The following FMO5 variants were observed in gnomAD, a reference collection of about 807,000 sequenced individuals.
FMO5 encodes flavin containing dimethylaniline monoxygenase 5, also known as flavin-containing monooxygenase 5.
A neutral mutation model predicts 43.6 loss-of-function variants in FMO5; 51 were observed. The ratio of observed to expected loss-of-function variants is 1.17; its 90% CI spans 0.93 to 1.48. The LOEUF (loss-of-function observed/expected upper bound fraction) is 1.48, where lower values mean the gene tolerates loss of function less well. Among genes scored for constraint, FMO5 ranks in the 40% most tolerant of loss-of-function variants. The probability of loss-of-function intolerance (pLI) is 0.00; values close to 1 mark genes in which losing one functional copy is unlikely to be tolerated. For synonymous variants in FMO5, 187 were observed against 216.5 expected (o/e 0.86, Z 1.20); for missense variants, 644 against 643.0 (o/e 1.00, Z -0.02).
At chr1:147,194,187 G>T (rs1465209176) in intron 7 of FMO5, among the ~76,000 whole-genome samples, 13 of 152,214 alleles carry the variant, frequency 8.5e-5, no homozygotes, top group Non-Finnish European at 1.3e-4. Context: ...GAATCTGGGT[G>T]CTCCTGCATT....
At chr1:147,200,069 G>T (rs1159653035) in intron 7 of FMO5, among the ~76,000 whole-genome samples, 1 of 152,128 alleles carries the variant, frequency 6.6e-6, no homozygotes, top group Admixed American at 6.5e-5. Context: ...CCCCGGCCCA[G>T]TGAGCATTCA....
downstream of FMO5, among the ~76,000 whole-genome samples, chr1:147,185,455 G>A (rs1383635862): frequency 6.6e-6 from 1 of 152,112 alleles, no homozygotes; most frequent in Non-Finnish European, 1.5e-5. Flanking sequence ...GTATCACAAG[G>A]ATTAGGGAAA....
At chr1:147,209,191 G>A (rs1364101559) in intron 5 of FMO5, 140 bp from the exon 6 acceptor site, 4 of 578,944 alleles carry the variant, frequency 6.9e-6, no homozygotes, top group South Asian at 5.9e-5. Flanking sequence ...AGGCCAAGGC[G>A]GGCGGATCAC....
Position 147,201,418 on chromosome 1 carries a change from T to A in FMO5, c.917A>T (p.Glu306Val). The A allele has an allele frequency of 1.2e-6, 2 of 1,614,160 alleles. No individual in the cohort carries two copies. Among genetic ancestry groups the A allele is most frequent in the Non-Finnish European group, 1.7e-6 (2 of 1,180,010 alleles). ...GLVKVKGNVK[E>V]FTETAAIFED... is the part of the protein sequence containing the mutation. ...AAATATGGCAGCTGTCTCCGTGAATTCCTTCACATTTCCTTTCACTTTCAC... is the reference window on the plus strand; with the variant it reads ...AAATATGGCAGCTGTCTCCGTGAATACCTTCACATTTCCTTTCACTTTCAC... The change falls in exon 7 of 9, where the codon GAA becomes GTA. Residue 306 changes from glutamate (E) to valine (V), a missense_variant. Coordinates refer to ENST00000254090, the MANE Select transcript of FMO5 (RefSeq NM_001461.4).
Position 147,215,887 on chromosome 1 carries a change from G to A in FMO5, c.191C>T (p.Ser64Phe). 3 of 1,612,984 alleles carry A rather than the reference G, an allele frequency of 1.9e-6. No individual in the cohort carries two copies. Among genetic ancestry groups the A allele is most frequent in the Non-Finnish European group, 2.5e-6 (3 of 1,179,210 alleles). ...GTCACTGAAGCACATCATCTCTTTA[G>A]AAGTATTGATGATCACTGATTTGTA... ...SIYKSVIINT[S>F]KEMMCFSDYP... The change falls in exon 3 of 9, where the codon TCT (serine) becomes TTT (phenylalanine). Residue 64 changes from serine (S) to phenylalanine (F), a missense_variant. By Grantham distance (155) the Ser-to-Phe change is radical (BLOSUM62 -2). Coordinates refer to ENST00000254090, the MANE Select transcript of FMO5 (RefSeq NM_001461.4).
At chr1:147,203,917 AGGAG>A in intron 6 of FMO5, 1 of 1,528,600 alleles carries the variant, frequency 6.5e-7, no homozygotes, top group South Asian at 1.1e-5. Flanking sequence ...CTTCAAGGAC[AGGAG>A]GTGTCAATCT....
intron 7 of FMO5, among the ~76,000 whole-genome samples, chr1:147,193,920 C>A (rs1172775283): frequency 3.9e-5 from 6 of 152,066 alleles, no homozygotes; most frequent in African/African-American, 1.5e-4. Context: ...GAGTGCTTTA[C>A]TTCCAACTAT....
intron 5 of FMO5, chr1:147,210,080 C>G (rs1178874721): frequency 1.3e-5 from 2 of 152,156 alleles, no homozygotes; most frequent in African/African-American, 4.8e-5. Flanking sequence ...ATTACAACAA[C>G]CTCTTGAGGA....
intron 6 of FMO5, among the ~76,000 whole-genome samples, chr1:147,201,830 A>G (rs1440210663): frequency 2.6e-5 from 4 of 152,218 alleles, no homozygotes; most frequent in African/African-American, 9.6e-5. Flanking sequence ...TTGTATTCTC[A>G]TACCAAGAAG....
At chr1:147,208,795 G>A in intron 6 of FMO5, 57 bp downstream of exon 6, 2 of 1,426,096 alleles carry the variant, frequency 1.4e-6, no homozygotes, top group Middle Eastern at 1.8e-4. Context: ...CCAGTGTGAA[G>A]AGTCCTTATT....
In FMO5 at chr1:147,209,037, G is replaced by A. The variant is rs782165560; in HGVS notation, c.645C>T (p.Thr215=). ...SQTAKQVFLS[T]RRGAWILNRV... is the part of the protein sequence containing the mutation. ...GATTCAGGATCCAAGCCCCTCTCCT[G>A]GTGCTGAGGAAAACCTGGGGCATGG... Residue 215 remains threonine, a synonymous_variant, in exon 6 of 9, where the codon ACC becomes ACT. Transcript: ENST00000254090. 5 of 1,613,726 alleles carry A rather than the reference G, an allele frequency of 3.1e-6. No homozygotes were observed. The highest frequency in any genetic ancestry group is 4.2e-6 in the Non-Finnish European group (5 of 1,179,802).
chr1:147,189,065 G>C (rs587692936), intron 8 of FMO5, among the ~76,000 whole-genome samples: 1 of 151,918 alleles, frequency 6.6e-6, no homozygotes, highest in South Asian at 2.1e-4. Flanking sequence ...CACAAGGTCA[G>C]GAGTTTGAGA....
rs1553920319 is a variant in FMO5, at chr1:147,198,872, A to AAAAAAG, written c.1183+2279_1183+2280insCTTTTT. On this transcript the variant is annotated intron_variant, in intron 7 of 8. Transcript: ENST00000254090. ...TCTCAAAAAAAAAAAAAAAAAAAAA[A>AAAAAAG]AAAGAAAGAAAGATGGGCCTGAAAT... is the stretch of plus-strand genomic sequence containing the variant. Among the ~76,000 whole-genome samples the AAAAAAG allele has an allele frequency of 6.3e-3, 909 of 144,472 alleles. 22 individuals carry two copies. The highest frequency in any genetic ancestry group is 0.022 in the African/African-American group (847 of 37,890). The allele number at this position is 144,472 out of a possible 152,430, so 94.8% of individuals were successfully genotyped here. A position where few individuals can be genotyped will look rare whatever the true frequency, so the allele number is the denominator to read the frequency against.
At chr1:147,193,442 C>G (rs1355885995) in intron 7 of FMO5, among the ~76,000 whole-genome samples, 1 of 151,950 alleles carries the variant, frequency 6.6e-6, no homozygotes, top group Non-Finnish European at 1.5e-5. Flanking sequence ...TTTTGTTGAT[C>G]CTTTCAAAAA....
At position 147,186,719 on chromosome 1, in the gene FMO5, G is replaced by A. The variant is rs1652658821; in HGVS notation, c.*181C>T. On this transcript the variant is annotated 3_prime_UTR_variant, in exon 9 of 9. Coordinates refer to ENST00000254090, the MANE Select transcript of FMO5 (RefSeq NM_001461.4). ...GACGGATCATGAGTGGAAGGGAGAT[G>A]AGTTAATACAAATGGAAAACAGGTT... 1.4e-6 allele frequency: 2 copies of A among 1,424,628 alleles called. No individual in the cohort carries two copies. The highest frequency in any genetic ancestry group is 1.8e-6 in the Non-Finnish European group (2 of 1,095,214). 88.2% of individuals were successfully genotyped at this position (1,424,628 alleles called of 1,614,324 possible). A position where few individuals can be genotyped will look rare whatever the true frequency, so the allele number is the denominator to read the frequency against.
intron 6 of FMO5, among the ~76,000 whole-genome samples, chr1:147,202,241 AT>A: frequency 7.1e-6 from 1 of 140,774 alleles, no homozygotes; most frequent in East Asian, 2.0e-4. Context: ...GTAATTGCTT[AT>A]TTTTTTGCCA....
At position 147,205,881 on chromosome 1, in the gene FMO5, A is replaced by G. The variant is rs1310728598; in HGVS notation, c.830+2971T>C. Among the ~76,000 whole-genome samples the G allele has an allele frequency of 2.0e-5, 3 of 152,180 alleles. No homozygotes were observed. The East Asian group carries it at 5.8e-4, about 29-fold the overall frequency. On this transcript the variant is annotated intron_variant, in intron 6 of 8. Coordinates refer to ENST00000254090, the MANE Select transcript of FMO5 (RefSeq NM_001461.4). ...GCAAGGACTTCATGTCTAAAACACC[A>G]AAAGCCATGGCAACAAAAGCCAAAA...
intron 6 of FMO5, chr1:147,203,447 T>A (rs1659407317): frequency 2.4e-6 from 2 of 835,220 alleles, no homozygotes; most frequent in Non-Finnish European, 4.3e-6. Flanking sequence ...GCTTCCAACA[T>A]GTCCGTTACA....
chr1:147,193,768 A>T (rs1657384376), intron 7 of FMO5, among the ~76,000 whole-genome samples: 1 of 152,138 alleles, frequency 6.6e-6, no homozygotes, highest in African/African-American at 2.4e-5. Flanking sequence ...TTATGTACCC[A>T]GTAGTCATTC....
Sources: gnomAD v4.1 joint callset for allele counts (sites outside exome capture counted in the v4.1 genomes callset) on GRCh38, gnomAD v4.1.1 for gene constraint, MANE v1.5 for transcripts, NCBI Gene and HGNC (gene_info 2026-07-23, HGNC 2026-07-21) for gene names.